NAALADL2: variants seen among roughly 807,000 people sequenced by gnomAD.
NAALADL2 encodes N-acetylated alpha-linked acidic dipeptidase like 2, also known as inactive N-acetylated-alpha-linked acidic dipeptidase-like protein 2.
In NAALADL2, 76 loss-of-function variants were observed where a neutral mutation model predicts 87.2. That is an observed-to-expected ratio of 0.87 (90% CI 0.72 to 1.05). The LOEUF (loss-of-function observed/expected upper bound fraction) is 1.05, where lower values mean the gene tolerates loss of function less well. Among genes scored for constraint, NAALADL2 ranks in the 50% least tolerant of loss-of-function variants. The pLI, the probability that NAALADL2 is intolerant of heterozygous loss-of-function variation, is 0.00. For missense variants in NAALADL2, 1,089 were observed against 945.8 expected (o/e 1.15, Z -1.99); for synonymous variants, 354 against 331.0 (o/e 1.07, Z -0.75).
chr3:175,050,141 G>A (rs1355450498), intron 1 of NAALADL2, among the ~76,000 whole-genome samples: 1 of 152,194 alleles, frequency 6.6e-6, no homozygotes, highest in Non-Finnish European at 1.5e-5. Flanking sequence ...GTGGCATCCT[G>A]TCCAGTGGTG....
intron 3 of NAALADL2, among the ~76,000 whole-genome samples, chr3:174,843,979 C>T (rs1371884781): frequency 6.6e-6 from 1 of 151,882 alleles, no homozygotes; most frequent in Non-Finnish European, 1.5e-5. Context: ...GCAGGTTGTC[C>T]CTTCACTCAT....
chr3:174,635,638 G>A (rs529936539), intron 2 of NAALADL2, among the ~76,000 whole-genome samples: 2 of 151,894 alleles, frequency 1.3e-5, no homozygotes, highest in South Asian at 2.1e-4. Flanking sequence ...AAGTAGCTGG[G>A]ATTACAGGCA....
At chr3:174,681,264 C>T (rs1727507368) in intron 2 of NAALADL2, among the ~76,000 whole-genome samples, 2 of 152,150 alleles carry the variant, frequency 1.3e-5, no homozygotes, top group Non-Finnish European at 2.9e-5. Context: ...GTAGTCTAAG[C>T]TGCAAGTGCT....
intron 1 of NAALADL2, among the ~76,000 whole-genome samples, chr3:174,893,807 A>G (rs986583029): frequency 6.6e-6 from 1 of 152,176 alleles, no homozygotes; most frequent in African/African-American, 2.4e-5. Context: ...AAGAGGAAAG[A>G]GAAGACCACA....
chr3:174,750,270 G>A (rs910397317), intron 3 of NAALADL2, among the ~76,000 whole-genome samples: 12 of 152,162 alleles, frequency 7.9e-5, no homozygotes, highest in African/African-American at 1.9e-4. Context: ...GGCAAATATC[G>A]CCAGCCTATT....
intron 3 of NAALADL2, among the ~76,000 whole-genome samples, chr3:174,835,142 A>G (rs1326510039): frequency 6.6e-6 from 1 of 152,082 alleles, no homozygotes; most frequent in Non-Finnish European, 1.5e-5. Context: ...ATGTACACAT[A>G]TATAGTGAAT....
At chr3:174,511,146 A>G (rs1719575343) in intron 1 of NAALADL2, among the ~76,000 whole-genome samples, 1 of 152,076 alleles carries the variant, frequency 6.6e-6, no homozygotes. Flanking sequence ...CATGGACTTT[A>G]TAAATACGGA....
intron 5 of NAALADL2, among the ~76,000 whole-genome samples, chr3:175,397,901 T>C (rs1271618509): frequency 1.3e-5 from 2 of 152,106 alleles, no homozygotes; most frequent in African/African-American, 2.4e-5. Flanking sequence ...AGAGTTTCCC[T>C]AACCACCCAG....
intron 11 of NAALADL2, chr3:175,718,204 T>C (rs1741648318): frequency 1.6e-6 from 1 of 627,536 alleles, no homozygotes; most frequent in African/African-American, 2.1e-5. Context: ...GGTTTTTTTT[T>C]TTTTTTTTTT....
intron 3 of NAALADL2, among the ~76,000 whole-genome samples, chr3:174,851,339 A>C (rs1028216466): frequency 8.0e-5 from 12 of 149,968 alleles, no homozygotes; most frequent in African/African-American, 2.9e-4. Context: ...AGATAAACAA[A>C]AGTGAAAAAA....
At chr3:174,882,728 T>C (rs1729495066) in intron 1 of NAALADL2, among the ~76,000 whole-genome samples, 1 of 148,456 alleles carries the variant, frequency 6.7e-6, no homozygotes, top group Non-Finnish European at 1.5e-5. Flanking sequence ...TATGTGTATA[T>C]GTGTATCTAT....
intron 10 of NAALADL2, among the ~76,000 whole-genome samples, chr3:175,608,144 C>A (rs1412668915): frequency 6.6e-6 from 1 of 150,536 alleles, no homozygotes; most frequent in Non-Finnish European, 1.5e-5. Flanking sequence ...CTTATTTCCA[C>A]TAAGTGAGAA....
chr3:175,789,594 A>G (rs1752532298), intron 13 of NAALADL2, among the ~76,000 whole-genome samples: 1 of 152,214 alleles, frequency 6.6e-6, no homozygotes, highest in African/African-American at 2.4e-5. Flanking sequence ...TTCATTAAGC[A>G]TGGAACAAAA....
At chr3:175,585,961 A>C (rs1328293286) in intron 10 of NAALADL2, among the ~76,000 whole-genome samples, 1 of 152,180 alleles carries the variant, frequency 6.6e-6, no homozygotes, top group Non-Finnish European at 1.5e-5. Flanking sequence ...ATTTGAAAAT[A>C]TTTTGGAAAC....
At chr3:174,485,662 T>C (rs868302932) in intron 1 of NAALADL2, among the ~76,000 whole-genome samples, 6 of 152,080 alleles carry the variant, frequency 3.9e-5, no homozygotes, top group Non-Finnish European at 8.8e-5. Flanking sequence ...CATTTCATGG[T>C]GTATATATAC....
chr3:175,632,266 T>TTCTCTCTCTC lies in NAALADL2; in HGVS notation c.1896+4915_1896+4924dup, dbSNP rs61458338. Among the ~76,000 whole-genome samples, 270 of 129,520 alleles carry TTCTCTCTCTC rather than the reference T, an allele frequency of 2.1e-3. 3 individuals carry two copies. The highest frequency in any genetic ancestry group is 6.0e-3 in the African/African-American group (223 of 37,168). The allele number at this position is 129,520 out of a possible 152,430, so 85.0% of individuals were successfully genotyped here. On this transcript the variant is annotated intron_variant, in intron 11 of 13. Transcript: ENST00000454872. ...TTTAAAAGTGTGTGGCACTTTCCCC[T>TTCTCTCTCTC]TCTCTCTCTCTCTCTCTCTCTCTCT... is the stretch of plus-strand genomic sequence containing the variant.
chr3:174,774,408 AG>A, intron 3 of NAALADL2, among the ~76,000 whole-genome samples: 1 of 152,168 alleles, frequency 6.6e-6, no homozygotes, highest in East Asian at 1.9e-4. Flanking sequence ...CCCTTTCCTG[AG>A]GGGACCCCTT....
chr3:174,554,884 TC>T (rs1285927577), intron 2 of NAALADL2, among the ~76,000 whole-genome samples: 1 of 152,206 alleles, frequency 6.6e-6, no homozygotes, highest in Admixed American at 6.5e-5. Context: ...GCTGGGAAGG[TC>T]CAGATCAAGT....
In NAALADL2 at chr3:175,324,031, A is replaced by AC. The variant is rs377026566; in HGVS notation, c.940-144_940-143insC. On this transcript the variant is annotated intron_variant, in intron 4 of 13. Transcript: ENST00000454872. ...AGACTCCATCTCAAAAAACAAACAA[A>AC]AAAAAAAAAAAAGAAAAAGAAAAAG... 9.8e-3 allele frequency: 5,497 copies of AC among 561,240 alleles called. 4 individuals are homozygous for AC. Among genetic ancestry groups the AC allele is most frequent in the East Asian group, 0.027 (694 of 25,744 alleles). 34.8% of individuals were successfully genotyped at this position (561,240 alleles called of 1,614,324 possible).
Sources: allele counts gnomAD v4.1 joint callset (sites outside exome capture counted in the v4.1 genomes callset), GRCh38; gene constraint gnomAD v4.1.1; transcripts MANE v1.5; gene names NCBI Gene and HGNC (gene_info 2026-07-23, HGNC 2026-07-21).